The following DLC1 variants were observed in gnomAD, a reference collection of about 807,000 sequenced individuals.
DLC1 encodes rho GTPase-activating protein 7.
DLC1 carries 54 observed loss-of-function variants against 140.3 expected under a neutral mutation model. That is an observed-to-expected ratio of 0.38 (90% CI 0.31 to 0.48). The LOEUF (loss-of-function observed/expected upper bound fraction) is 0.48. DLC1 is among the 20% of genes least tolerant of loss of function. The pLI is 0.96. For missense variants in DLC1, 2,536 were observed against 1,907.0 expected (o/e 1.33, Z -6.14); for synonymous variants, 986 against 728.1 (o/e 1.35, Z -5.70).
chr8:13,599,911 A>G (rs1042343919), intron 1 of DLC1, among the ~76,000 whole-genome samples: 9 of 151,992 alleles, frequency 5.9e-5, no homozygotes, highest in Admixed American at 2.0e-4. Context: ...CTATATATGT[A>G]TCAGTCTGTA....
At chr8:13,541,075 C>G (rs1338448179) in intron 1 of DLC1, among the ~76,000 whole-genome samples, 1 of 152,100 alleles carries the variant, frequency 6.6e-6, no homozygotes, top group East Asian at 1.9e-4. Context: ...GAAAATTAAC[C>G]AATTTTAAGT....
intron 5 of DLC1, among the ~76,000 whole-genome samples, chr8:13,218,259 A>G (rs777944094): frequency 3.3e-5 from 5 of 152,188 alleles, no homozygotes; most frequent in Non-Finnish European, 7.4e-5. Flanking sequence ...TTGAAGGCCT[A>G]TGTTTAAGAG....
intron 4 of DLC1, among the ~76,000 whole-genome samples, chr8:13,382,369 A>C (rs1014774270): frequency 6.6e-6 from 1 of 150,610 alleles, no homozygotes. Flanking sequence ...TAGCCGGGCG[A>C]GGTGGCGGGC....
At chr8:13,224,874 C>T (rs1828718313) in intron 5 of DLC1, among the ~76,000 whole-genome samples, 1 of 152,154 alleles carries the variant, frequency 6.6e-6, no homozygotes, top group Non-Finnish European at 1.5e-5. Context: ...CGTTAGTTAA[C>T]CACCAAGGGC....
intron 2 of DLC1, among the ~76,000 whole-genome samples, chr8:13,405,031 G>C (rs1837461781): frequency 1.3e-5 from 2 of 151,644 alleles, no homozygotes; most frequent in African/African-American, 4.8e-5. Context: ...AATAAATTTT[G>C]TGTACTTCTG....
At chr8:13,244,011 G>A (rs1361921022) in intron 5 of DLC1, among the ~76,000 whole-genome samples, 8 of 152,084 alleles carry the variant, frequency 5.3e-5, no homozygotes, top group African/African-American at 1.9e-4. Flanking sequence ...CTCACCTGGG[G>A]GAACCACCAT....
At chr8:13,315,951 G>A (rs904677012) in intron 4 of DLC1, among the ~76,000 whole-genome samples, 1 of 152,168 alleles carries the variant, frequency 6.6e-6, no homozygotes, top group Non-Finnish European at 1.5e-5. Context: ...AGATGCATGT[G>A]CAGAGAACGA....
At chr8:13,273,195 T>C (rs1831016515) in intron 5 of DLC1, among the ~76,000 whole-genome samples, 2 of 152,146 alleles carry the variant, frequency 1.3e-5, no homozygotes, top group African/African-American at 4.8e-5. Flanking sequence ...TTCAGGAATG[T>C]GATGTGCTCT....
intron 5 of DLC1, among the ~76,000 whole-genome samples, chr8:13,147,134 G>A (rs1823493150): frequency 6.6e-6 from 1 of 152,114 alleles, no homozygotes; most frequent in Non-Finnish European, 1.5e-5. Context: ...TCCTTGCTAG[G>A]CCATTATAGA....
intron 4 of DLC1, among the ~76,000 whole-genome samples, chr8:13,386,963 C>A (rs1298941849): frequency 6.6e-6 from 1 of 151,938 alleles, no homozygotes; most frequent in African/African-American, 2.4e-5. Flanking sequence ...AATGAAATTG[C>A]CATATTCAAA....
At chr8:13,453,387 G>GATATATATGTGTATATATATATAT in intron 2 of DLC1, among the ~76,000 whole-genome samples, 1 of 52,448 alleles carries the variant, frequency 1.9e-5, no homozygotes, top group East Asian at 8.0e-4. Context: ...GATGGCCCAG[G>GATATATATGTGTATATATATATAT]ATATATATAT....
At chr8:13,137,517 C>T (rs534721098) in intron 5 of DLC1, among the ~76,000 whole-genome samples, 22 of 151,624 alleles carry the variant, frequency 1.5e-4, no homozygotes, top group Non-Finnish European at 2.8e-4. Context: ...ATTTTTAAAA[C>T]ATGATTTGGC....
intron 3 of DLC1, among the ~76,000 whole-genome samples, chr8:13,395,546 G>A (rs1366868650): frequency 1.3e-5 from 2 of 152,164 alleles, no homozygotes; most frequent in South Asian, 2.1e-4. Context: ...GAACATGATC[G>A]TTAAATACAG....
chr8:13,461,261 C>T (rs1799643656), intron 2 of DLC1, among the ~76,000 whole-genome samples: 1 of 152,222 alleles, frequency 6.6e-6, no homozygotes, highest in South Asian at 2.1e-4. Flanking sequence ...ATGAGGGAAG[C>T]TACCATGCCA....
intron 4 of DLC1, 74 bp from the exon 5 acceptor site, chr8:13,305,376 A>G: frequency 6.9e-7 from 1 of 1,452,532 alleles, no homozygotes. Context: ...AATAAAACGA[A>G]GTGTAATTAA....
intron 2 of DLC1, among the ~76,000 whole-genome samples, chr8:13,432,907 G>T (rs1226628027): frequency 6.9e-6 from 1 of 144,638 alleles, no homozygotes; most frequent in Non-Finnish European, 1.5e-5. Flanking sequence ...CTGGGGAATT[G>T]TGCTGCTGTC....
chr8:13,367,020 CT>C (rs1396466503), intron 4 of DLC1, among the ~76,000 whole-genome samples: 1 of 152,190 alleles, frequency 6.6e-6, no homozygotes, highest in East Asian at 1.9e-4. Context: ...ACTTTGCCTC[CT>C]TTCCCTTTCC....
At chr8:13,418,090 G>C (rs1332104859) in intron 2 of DLC1, among the ~76,000 whole-genome samples, 1 of 152,118 alleles carries the variant, frequency 6.6e-6, no homozygotes, top group Non-Finnish European at 1.5e-5. Context: ...ATTTGTTTGA[G>C]TTCATTGTAG....
intron 2 of DLC1, among the ~76,000 whole-genome samples, chr8:13,409,851 G>A (rs1401161764): frequency 6.6e-6 from 1 of 152,114 alleles, no homozygotes; most frequent in East Asian, 1.9e-4. Flanking sequence ...TACGTGCTAA[G>A]GTTCATGTAG....
Sources: gnomAD v4.1 joint callset for allele counts (sites outside exome capture counted in the v4.1 genomes callset) on GRCh38, gnomAD v4.1.1 for gene constraint, MANE v1.5 for transcripts, NCBI Gene and HGNC (gene_info 2026-07-23, HGNC 2026-07-21) for gene names.